Variants in TCF7L1 observed in about 807,000 individuals in gnomAD.
The protein encoded by TCF7L1 is transcription factor 7-like 1.
TCF7L1 carries 18 observed loss-of-function variants against 63.7 expected under a neutral mutation model. That is an observed-to-expected ratio of 0.28 (90% confidence interval 0.20 to 0.42). The LOEUF is 0.42. TCF7L1 is among the 10% of genes least tolerant of loss of function. The pLI is 1.00. For synonymous variants in TCF7L1, 355 were observed against 340.9 expected (o/e 1.04, Z -0.46); for missense variants, 654 against 779.3 (o/e 0.84, Z 1.91).
intron 3 of TCF7L1, among the ~76,000 whole-genome samples, chr2:85,218,648 G>GGGA (rs746536633): frequency 2.7e-5 from 4 of 150,434 alleles, no homozygotes; most frequent in African/African-American, 7.3e-5. Context: ...ATGGGGGGGG[G>GGGA]AAAACTGGTG....
chr2:85,133,518 C>T lies in TCF7L1; in HGVS notation c.-167C>T. On this transcript the variant is annotated 5_prime_UTR_variant, in exon 1 of 12. Coordinates refer to ENST00000282111, the MANE Select transcript of TCF7L1 (RefSeq NM_031283.3). The surrounding 1 kb of genome is among the most constrained non-coding windows in gnomAD (Gnocchi z 4.4). Reference sequence around the variant, plus strand: ...CCGAGCCGAGCCGCCTGCGCCCCGGCCGGGCAGCGCCGGGCCCGCTTCCCG... The same window carrying T: ...CCGAGCCGAGCCGCCTGCGCCCCGGTCGGGCAGCGCCGGGCCCGCTTCCCG... The T allele has an allele frequency of 6.4e-6, 1 of 156,704 alleles. No individual in the cohort carries two copies. Among genetic ancestry groups the T allele is most frequent in the Non-Finnish European group, 1.4e-5 (1 of 73,854 alleles). 9.7% of individuals were successfully genotyped at this position (156,704 alleles called of 1,614,324 possible).
chr2:85,183,916 G>C (rs939926952), intron 3 of TCF7L1, among the ~76,000 whole-genome samples: 3 of 152,180 alleles, frequency 2.0e-5, no homozygotes, highest in African/African-American at 7.2e-5. Flanking sequence ...ATGATAGCAA[G>C]GGTCTGGGAG....
At chr2:85,213,955 T>TG (rs964401973) in intron 3 of TCF7L1, among the ~76,000 whole-genome samples, 1 of 152,194 alleles carries the variant, frequency 6.6e-6, no homozygotes, top group African/African-American at 2.4e-5. Flanking sequence ...TGTGCATGGA[T>TG]GGGGGGCTTC....
At chr2:85,137,817 C>T (rs943467436) in intron 3 of TCF7L1, among the ~76,000 whole-genome samples, 4 of 150,762 alleles carry the variant, frequency 2.7e-5, no homozygotes, top group Admixed American at 1.3e-4. Flanking sequence ...CTCTTAAACC[C>T]GGGAGGCAGA....
intron 11 of TCF7L1, among the ~76,000 whole-genome samples, chr2:85,308,416 CT>C (rs1230141657): frequency 1.5e-5 from 2 of 129,768 alleles, no homozygotes; most frequent in Non-Finnish European, 1.6e-5. Flanking sequence ...TCCCTTTCCC[CT>C]TCCCTCCCTC....
At chr2:85,158,101 T>C (rs569875446) in intron 3 of TCF7L1, among the ~76,000 whole-genome samples, 5 of 152,136 alleles carry the variant, frequency 3.3e-5, no homozygotes, top group Admixed American at 2.0e-4. Context: ...CTCCTGGCCA[T>C]AGTGGTGTAA....
intron 3 of TCF7L1, among the ~76,000 whole-genome samples, chr2:85,221,859 T>A (rs888537895): frequency 6.6e-6 from 1 of 151,780 alleles, no homozygotes; most frequent in African/African-American, 2.4e-5. Flanking sequence ...TAATTATTAA[T>A]TTACCAGAAA....
At chr2:85,197,386 G>A (rs917454605) in intron 3 of TCF7L1, among the ~76,000 whole-genome samples, 1 of 152,198 alleles carries the variant, frequency 6.6e-6, no homozygotes, top group African/African-American at 2.4e-5. Context: ...GGCAACAAGA[G>A]CGAAACTCTG....
At chr2:85,139,120 T>C (rs950784279) in intron 3 of TCF7L1, among the ~76,000 whole-genome samples, 6 of 152,152 alleles carry the variant, frequency 3.9e-5, no homozygotes, top group Admixed American at 3.3e-4. Flanking sequence ...GTGATTCTCC[T>C]GCCTCAGCCT....
At chr2:85,249,033 G>A (rs1680533330) in intron 3 of TCF7L1, among the ~76,000 whole-genome samples, 2 of 152,102 alleles carry the variant, frequency 1.3e-5, no homozygotes, top group Non-Finnish European at 2.9e-5. Context: ...GGGAAAGGGG[G>A]AGTGAACTTG....
intron 3 of TCF7L1, among the ~76,000 whole-genome samples, chr2:85,214,461 A>G (rs1214186916): frequency 6.6e-6 from 1 of 152,152 alleles, no homozygotes. Context: ...TTGAATTGGG[A>G]GCCTTGATTT....
intron 3 of TCF7L1, among the ~76,000 whole-genome samples, chr2:85,256,765 C>G (rs1017235278): frequency 6.6e-6 from 1 of 152,040 alleles, no homozygotes; most frequent in Non-Finnish European, 1.5e-5. Flanking sequence ...GGTGGATCAC[C>G]TGAGGTGTCA....
At chr2:85,193,421 A>T (rs1427840771) in intron 3 of TCF7L1, among the ~76,000 whole-genome samples, 1 of 152,202 alleles carries the variant, frequency 6.6e-6, no homozygotes, top group Non-Finnish European at 1.5e-5. Flanking sequence ...GCAGTGGCTC[A>T]TGCCTGTAAT....
intron 4 of TCF7L1, among the ~76,000 whole-genome samples, chr2:85,289,458 T>G (rs983896670): frequency 4.1e-4 from 62 of 151,718 alleles, no homozygotes; most frequent in East Asian, 3.9e-4. Flanking sequence ...TATTCAGGGG[T>G]TTTTTAATGC....
intron 4 of TCF7L1, among the ~76,000 whole-genome samples, chr2:85,291,757 T>A (rs1220305277): frequency 6.6e-6 from 1 of 152,108 alleles, no homozygotes; most frequent in African/African-American, 2.4e-5. Flanking sequence ...CTCTGTCACC[T>A]AGGCTGTAGT....
intron 3 of TCF7L1, among the ~76,000 whole-genome samples, chr2:85,264,532 C>T (rs1351602317): frequency 6.6e-6 from 1 of 152,070 alleles, no homozygotes; most frequent in African/African-American, 2.4e-5. Flanking sequence ...CTGAACAAGA[C>T]CTGATCACCA....
chr2:85,298,910 T>C (rs935597218), intron 4 of TCF7L1, among the ~76,000 whole-genome samples: 1 of 152,022 alleles, frequency 6.6e-6, no homozygotes, highest in African/African-American at 2.4e-5. Context: ...GAGGCCACTA[T>C]CTACTTACCG....
chr2:85,205,537 G>GTT (rs35034885), intron 3 of TCF7L1, among the ~76,000 whole-genome samples: 5 of 54,540 alleles, frequency 9.2e-5, no homozygotes, highest in Admixed American at 1.8e-4. Flanking sequence ...AGCCCACATT[G>GTT]TTTTTTTTTT....
intron 4 of TCF7L1, among the ~76,000 whole-genome samples, chr2:85,284,471 A>G (rs72840042): frequency 0.11 from 16,536 of 152,282 alleles, 1,240 homozygotes; most frequent in Non-Finnish European, 0.16. Context: ...AGTGGATCCA[A>G]GCAGTACCTC....
Sources: gnomAD v4.1 joint callset for allele counts (sites outside exome capture counted in the v4.1 genomes callset) on GRCh38, gnomAD v4.1.1 for gene constraint, Gnocchi (gnomAD v3.1) non-coding constraint, MANE v1.5 for transcripts, NCBI Gene and HGNC (gene_info 2026-07-23, HGNC 2026-07-21) for gene names.